The following TYRO3 variants were observed in gnomAD, a reference collection of about 807,000 sequenced individuals.
The protein encoded by TYRO3 is TYRO3 protein tyrosine kinase, also known as tyrosine-protein kinase receptor TYRO3.
Under a neutral mutation model 95.2 loss-of-function variants are expected in TYRO3, and 38 were observed. That is an observed-to-expected ratio of 0.40 (90% CI 0.31 to 0.52). TYRO3 has a LOEUF of 0.52. TYRO3 is among the 20% of genes least tolerant of loss of function. TYRO3 has a pLI of 0.56. For synonymous variants in TYRO3, 367 were observed against 432.9 expected (o/e 0.85, Z 1.89); for missense variants, 812 against 1,116.4 (o/e 0.73, Z 3.89).
intron 1 of TYRO3, among the ~76,000 whole-genome samples, chr15:41,559,698 C>A (rs766108171): frequency 2.0e-5 from 3 of 152,206 alleles, no homozygotes; most frequent in Non-Finnish European, 4.4e-5. Flanking sequence ...CTGTTAGCTC[C>A]CTCCTTCCCA....
In TYRO3 at chr15:41,565,108, T is replaced by G. The variant is rs776316958; in HGVS notation, c.750T>G (p.Asp250Glu). The change falls in exon 6 of 19, where the codon GAT becomes GAG. Residue 250 changes from aspartate to glutamate, a missense_variant. By Grantham distance (45) the Asp-to-Glu change is conservative. Transcript: ENST00000263798. ...NASVAWMPGA[D>E]GRALLQSCTV... ...GTGTGGCCTGGATGCCAGGTGCTGA[T>G]GGCCGAGCTCTGCTACAGTCCTGTA... The G allele has an allele frequency of 6.2e-7, 1 of 1,613,240 alleles. No individual in the cohort carries two copies. The highest frequency in any genetic ancestry group is 8.5e-7 in the Non-Finnish European group (1 of 1,179,898).
intron 3 of TYRO3, 69 bp from the exon 4 acceptor site, chr15:41,562,479 G>A (rs1269812489): frequency 1.3e-6 from 2 of 1,563,604 alleles, no homozygotes; most frequent in African/African-American, 2.7e-5. Context: ...GATGTAAACA[G>A]ACTTGTGATT....
intron 13 of TYRO3, 45 bp from the exon 14 acceptor site, chr15:41,571,550 G>A (rs1595504023): frequency 1.5e-6 from 2 of 1,355,522 alleles, no homozygotes; most frequent in East Asian, 4.6e-5. Context: ...CAAAACTAGG[G>A]GCACATCTTG....
Position 41,571,692 on chromosome 15 carries a change from GC to G in TYRO3, c.1753+8del. ...CACACGTGGCCAAACTTGTTGGTGA[GC>G]CCATTTTTGGGGGAGGCAGATAGAG... On this transcript the variant is annotated splice_donor_region_variant and intron_variant, in intron 14 of 18. Transcript: ENST00000263798. The G allele has an allele frequency of 8.8e-7, 1 of 1,142,336 alleles. No individual in the cohort carries two copies. The highest frequency in any genetic ancestry group is 1.3e-6 in the Non-Finnish European group (1 of 781,658). The allele number at this position is 1,142,336 out of a possible 1,614,324, so 70.8% of individuals were successfully genotyped here.
intron 1 of TYRO3, among the ~76,000 whole-genome samples, chr15:41,560,750 T>G (rs915261628): frequency 3.3e-5 from 5 of 152,226 alleles, no homozygotes; most frequent in Non-Finnish European, 7.3e-5. Context: ...GGGTCTGGGC[T>G]GACACCTTGG....
In TYRO3 at chr15:41,572,761, G is replaced by A. The variant is rs373284350; in HGVS notation, c.1875+197G>A. Among the ~76,000 whole-genome samples, 170 of 152,304 alleles carry A rather than the reference G, an allele frequency of 1.1e-3. 1 individual carries two copies. The highest frequency in any genetic ancestry group is 3.9e-3 in the African/African-American group (164 of 41,566). On this transcript the variant is annotated intron_variant, in intron 15 of 18. Coordinates refer to ENST00000263798, the MANE Select transcript of TYRO3 (RefSeq NM_006293.4). ...CACAAAACCCTGCTGAGAAATATAG[G>A]CTGGGCAAGGGCCCTTTCTAGAGGG...
At position 41,583,121 on chromosome 15, in the gene TYRO3, C is replaced by T. The variant is rs2055939551; in HGVS notation, c.*4845C>T. 6.6e-6 allele frequency: 1 copy of T among 151,242 alleles called. No individual in the cohort carries two copies. The highest frequency in any genetic ancestry group is 1.5e-5 in the Non-Finnish European group (1 of 67,904). 9.4% of individuals were successfully genotyped at this position (151,242 alleles called of 1,614,324 possible). A position where few individuals can be genotyped will look rare whatever the true frequency, so the allele number is the denominator to read the frequency against. Reference sequence around the variant, plus strand: ...CGAGTCTCCTCCTGCCTCACACTCCCAATTAGCTGGGACTACAGGCACGTG... The same window carrying T: ...CGAGTCTCCTCCTGCCTCACACTCCTAATTAGCTGGGACTACAGGCACGTG... On this transcript the variant is annotated 3_prime_UTR_variant, in exon 19 of 19. Coordinates refer to ENST00000263798, the MANE Select transcript of TYRO3 (RefSeq NM_006293.4).
At chr15:41,566,892 C>G (rs1185612919) in intron 6 of TYRO3, among the ~76,000 whole-genome samples, 1 of 152,160 alleles carries the variant, frequency 6.6e-6, no homozygotes, top group East Asian at 1.9e-4. Context: ...TCTTTGTACT[C>G]TTGCCCTGGG....
intron 18 of TYRO3, 28 bp downstream of exon 18, chr15:41,573,843 A>G: frequency 2.7e-6 from 3 of 1,127,146 alleles, no homozygotes; most frequent in Non-Finnish European, 3.8e-6. Context: ...GGGGCTCTGG[A>G]AGGAAAGGGG....
At chr15:41,565,993 C>T (rs1417274514) in intron 6 of TYRO3, among the ~76,000 whole-genome samples, 1 of 152,190 alleles carries the variant, frequency 6.6e-6, no homozygotes, top group East Asian at 1.9e-4. Flanking sequence ...CAGGAGGGGC[C>T]CCTGCTCTGG....
chr15:41,571,688 G>T lies in TYRO3; in HGVS notation c.1753+1G>T. 6.3e-7 allele frequency: 1 copy of T among 1,598,768 alleles called. No individual in the cohort carries two copies. The highest frequency in any genetic ancestry group is 8.6e-7 in the Non-Finnish European group (1 of 1,166,506). On this transcript the variant is annotated splice_donor_variant, in intron 14 of 18. Transcript: ENST00000263798. LOFTEE classifies it high-confidence loss of function. ...CATCCACACGTGGCCAAACTTGTTG[G>T]TGAGCCCATTTTTGGGGGAGGCAGA...
At chr15:41,571,181 C>G in intron 13 of TYRO3, 63 bp downstream of exon 13, 2 of 1,509,322 alleles carry the variant, frequency 1.3e-6, no homozygotes, top group Non-Finnish European at 1.8e-6. Flanking sequence ...GCGACTGACC[C>G]TGAAGCAGGC....
At chr15:41,573,836 G>T (rs1481240625) in intron 18 of TYRO3, 21 bp downstream of exon 18, 1 of 1,610,870 alleles carries the variant, frequency 6.2e-7, no homozygotes, top group Admixed American at 1.7e-5. Flanking sequence ...TGGGAAGGGG[G>T]CTCTGGAAGG....
rs1408766845 is a variant in TYRO3, at chr15:41,560,428, T to TGTGTGTGCGCGC, written c.125-698_125-697insTGTGTGCGCGCG. On this transcript the variant is annotated intron_variant, in intron 1 of 18. Transcript: ENST00000263798. ...GTGTGTGTGTGTGTGTGTGTGTGTG[T>TGTGTGTGCGCGC]GCGCGCGCGCGCGCGCGCTCGCACG... is the stretch of plus-strand genomic sequence containing the variant. Among the ~76,000 whole-genome samples the TGTGTGTGCGCGC allele has an allele frequency of 6.4e-3, 865 of 135,238 alleles. 10 individuals are homozygous for TGTGTGTGCGCGC. The highest frequency in any genetic ancestry group is 0.01 in the Non-Finnish European group (655 of 63,848). 88.7% of individuals were successfully genotyped at this position (135,238 alleles called of 152,430 possible).
At chr15:41,570,526 CAGAGTCTGGGGTATA>C in intron 11 of TYRO3, 63 bp from the exon 12 acceptor site, 3 of 1,502,094 alleles carry the variant, frequency 2.0e-6, no homozygotes, top group Non-Finnish European at 2.8e-6. Flanking sequence ...GCTCTGAGGG[CAGAGTCTGGGGTATA>C]AGAGGCTGGG....
At chr15:41,567,047 C>T (rs2055732308) in intron 6 of TYRO3, among the ~76,000 whole-genome samples, 1 of 152,002 alleles carries the variant, frequency 6.6e-6, no homozygotes, top group Non-Finnish European at 1.5e-5. Context: ...GTACCAAGTA[C>T]AAAAGGACAA....
intron 17 of TYRO3, 29 bp downstream of exon 17, chr15:41,573,496 G>T (rs764487450): frequency 3.5e-6 from 5 of 1,414,236 alleles, no homozygotes; most frequent in Non-Finnish European, 4.8e-6. Flanking sequence ...GAAGCTTGGT[G>T]GGGACGAGTG....
At chr15:41,569,744 G>A (rs1409087639) in intron 9 of TYRO3, among the ~76,000 whole-genome samples, 3 of 152,198 alleles carry the variant, frequency 2.0e-5, no homozygotes, top group Non-Finnish European at 4.4e-5. Flanking sequence ...TCTGGCCTGG[G>A]CAACAGAACA....
rs184945584 is a variant in TYRO3 at position 41,561,442 on chromosome 15, A to G, written c.309-97A>G. ...GTTTTTTTATTTGGCTACCTGTGGG[A>G]CCTTCCAGAAGTGGGGGCAGGCTGA... On this transcript the variant is annotated intron_variant, in intron 2 of 18. Transcript: ENST00000263798. 4.0e-3 allele frequency: 6,078 copies of G among 1,505,998 alleles called. 24 individuals are homozygous for G. The highest frequency in any genetic ancestry group is 5.1e-3 in the Non-Finnish European group (5,660 of 1,108,888). 93.3% of individuals were successfully genotyped at this position (1,505,998 alleles called of 1,614,324 possible).
Sources: gnomAD v4.1 joint callset for allele counts (sites outside exome capture counted in the v4.1 genomes callset) on GRCh38, gnomAD v4.1.1 for gene constraint, MANE v1.5 for transcripts, NCBI Gene and HGNC (gene_info 2026-07-23, HGNC 2026-07-21) for gene names.